Variants in AKAP9 observed in about 807,000 individuals in gnomAD.
The protein encoded by AKAP9 is A-kinase anchoring protein 9.
In AKAP9, 311 loss-of-function variants were observed where a neutral mutation model predicts 488.5. The observed-to-expected ratio is 0.64, with a 90% CI of 0.58 to 0.70. The LOEUF (loss-of-function observed/expected upper bound fraction) is 0.70. Ranked by LOEUF, AKAP9 falls within the 30% of genes least tolerant of loss-of-function variation. AKAP9 has a pLI of 0.00. For synonymous variants in AKAP9, 1,462 were observed against 1,483.5 expected, an observed-to-expected ratio of 0.99 and a Z score of 0.33; for missense variants, 4,215 against 4,374.5, an observed-to-expected ratio of 0.96 and a Z score of 1.03.
At chr7:92,083,816 G>A (rs968085926) in intron 33 of AKAP9, 161 bp downstream of exon 33, 1 of 674,610 alleles carries the variant, frequency 1.5e-6, no homozygotes, top group South Asian at 1.9e-5. Flanking sequence ...TAAACTCCTA[G>A]TACAATATTC....
chr7:92,050,541 T>A (rs1584323772), intron 21 of AKAP9, among the ~76,000 whole-genome samples: 1 of 152,326 alleles, frequency 6.6e-6, no homozygotes, highest in Non-Finnish European at 1.5e-5. Context: ...ATAACATTAC[T>A]AAAGTGTCTT....
Position 91,973,914 on chromosome 7 carries a change from G to A in AKAP9, c.252G>A (p.Met84Ile), listed in dbSNP as rs1284734608. ...CTGTGATTCCTGAATCTACAATAAT[G>A]AGAACTCTACATAGTGGAGAAATAA... ...ESTVIPESTI[M>I]RTLHSGEITS... is the part of the protein sequence containing the mutation. Residue 84 changes from methionine (M) to isoleucine (I), a missense_variant, in exon 2 of 50, where the codon ATG (methionine) becomes ATA (isoleucine). Transcript: ENST00000356239. 1 of 1,613,842 alleles carries A rather than the reference G, an allele frequency of 6.2e-7. No homozygotes were observed. The highest frequency in any genetic ancestry group is 8.5e-7 in the Non-Finnish European group (1 of 1,179,972).
At chr7:92,101,694 A>G (rs1452213686) in intron 45 of AKAP9, among the ~76,000 whole-genome samples, 1 of 152,212 alleles carries the variant, frequency 6.6e-6, no homozygotes, top group Non-Finnish European at 1.5e-5. Flanking sequence ...TAAGAACATC[A>G]TACTCTGTAA....
At chr7:92,005,307 C>T (rs967254778) in intron 8 of AKAP9, among the ~76,000 whole-genome samples, 13 of 152,204 alleles carry the variant, frequency 8.5e-5, no homozygotes, top group Admixed American at 8.5e-4. Context: ...ATATGGTGGT[C>T]AGGAAACATC....
In AKAP9 at chr7:92,097,903, T is replaced by C. The variant is rs114708485; in HGVS notation, c.10607+109T>C. ...TGGGGAATTGAAATTTTAAAGGTAA[T>C]GCGTGTTTACATTAGGAGGTGATAT... On this transcript the variant is annotated intron_variant, in intron 42 of 49. Coordinates refer to ENST00000356239, the MANE Select transcript of AKAP9 (RefSeq NM_005751.5). 2.3e-3 allele frequency: 2,592 copies of C among 1,120,732 alleles called. 42 individuals carry two copies. In the African/African-American group the frequency reaches 0.036, roughly 15 times the overall value. 69.4% of individuals were successfully genotyped at this position (1,120,732 alleles called of 1,614,324 possible).
intron 7 of AKAP9, among the ~76,000 whole-genome samples, chr7:92,000,242 G>T (rs1391783631): frequency 6.6e-6 from 1 of 152,168 alleles, no homozygotes; most frequent in Non-Finnish European, 1.5e-5. Flanking sequence ...TGCCATAAAT[G>T]GTATAGTTGT....
intron 26 of AKAP9, among the ~76,000 whole-genome samples, chr7:92,068,428 T>G (rs2130837695): frequency 6.6e-6 from 1 of 151,870 alleles, no homozygotes; most frequent in African/African-American, 2.4e-5. Context: ...GCCCCATTTC[T>G]GACAAACATA....
intron 22 of AKAP9, chr7:92,057,486 C>T (rs117209182): frequency 7.2e-4 from 128 of 176,752 alleles, no homozygotes; most frequent in Non-Finnish European, 1.3e-3. Flanking sequence ...TATTAATTCA[C>T]ATTCCACCTG....
chr7:92,056,599 A>G (rs1167115381), intron 22 of AKAP9, among the ~76,000 whole-genome samples: 1 of 151,536 alleles, frequency 6.6e-6, no homozygotes, highest in Non-Finnish European at 1.5e-5. Flanking sequence ...AACCCTAATA[A>G]ACAAAAAATT....
In AKAP9 at chr7:91,947,175, C is replaced by CGTGT. The variant is rs10575647; in HGVS notation, c.48+6046_48+6049dup. Among the ~76,000 whole-genome samples, 152 of 147,748 alleles carry CGTGT rather than the reference C, an allele frequency of 1.0e-3. 1 individual carries two copies. The highest frequency in any genetic ancestry group is 3.4e-3 in the African/African-American group (135 of 39,922). ...TGTCTGGGGTGTGTGTGTGTGTGTG[C>CGTGT]GTGTGTGTGTGTGTGTGTGTGCTGG... On this transcript the variant is annotated intron_variant, in intron 1 of 49. Transcript: ENST00000356239.
At chr7:92,074,571 A>G (rs912538122) in intron 28 of AKAP9, among the ~76,000 whole-genome samples, 2 of 152,228 alleles carry the variant, frequency 1.3e-5, no homozygotes, top group Non-Finnish European at 2.9e-5. Flanking sequence ...ACATAGGTTT[A>G]TTGCAGCACT....
intron 1 of AKAP9, among the ~76,000 whole-genome samples, chr7:91,953,911 A>T (rs1259447182): frequency 6.7e-6 from 1 of 149,828 alleles, no homozygotes; most frequent in Non-Finnish European, 1.5e-5. Context: ...AAAAACCATT[A>T]TGTGTTTCTT....
intron 38 of AKAP9, among the ~76,000 whole-genome samples, chr7:92,091,175 A>G (rs1292029991): frequency 6.6e-6 from 1 of 152,230 alleles, no homozygotes; most frequent in African/African-American, 2.4e-5. Flanking sequence ...TCTAATTTTC[A>G]TCATGTCCAC....
At chr7:92,066,891 T>C (rs182665139) in intron 26 of AKAP9, among the ~76,000 whole-genome samples, 3 of 152,332 alleles carry the variant, frequency 2.0e-5, no homozygotes, top group Middle Eastern at 3.4e-3. Flanking sequence ...TCCAGTGAAG[T>C]ATCCAGCCCT....
At chr7:92,026,099 G>GA (rs1043989297) in intron 14 of AKAP9, among the ~76,000 whole-genome samples, 2 of 152,058 alleles carry the variant, frequency 1.3e-5, no homozygotes, top group African/African-American at 4.8e-5. Context: ...AAGCAGAGGG[G>GA]AAAAAACAAA....
intron 24 of AKAP9, among the ~76,000 whole-genome samples, chr7:92,063,264 A>G (rs771565067): frequency 1.2e-4 from 18 of 152,260 alleles, no homozygotes; most frequent in Non-Finnish European, 2.2e-4. Flanking sequence ...GATTTTTAAT[A>G]TGGAAAGTAT....
chr7:91,955,652 T>A (rs1165816445), intron 1 of AKAP9, among the ~76,000 whole-genome samples: 1 of 152,212 alleles, frequency 6.6e-6, no homozygotes, highest in Non-Finnish European at 1.5e-5. Flanking sequence ...AGTATTTGGG[T>A]TGTTTCCAGT....
intron 29 of AKAP9, 87 bp from the exon 30 acceptor site, chr7:92,077,609 G>T (rs987544523): frequency 8.7e-7 from 1 of 1,144,000 alleles, no homozygotes; most frequent in Non-Finnish European, 1.3e-6. Context: ...TCATTTGTAC[G>T]TTATAGGCTC....
intron 3 of AKAP9, among the ~76,000 whole-genome samples, chr7:91,984,835 G>T (rs1456266335): frequency 1.3e-5 from 2 of 152,262 alleles, no homozygotes; most frequent in Non-Finnish European, 2.9e-5. Context: ...TCTCCTTGAA[G>T]AGGTCCTTCA....
Sources: gnomAD v4.1 joint callset for allele counts (sites outside exome capture counted in the v4.1 genomes callset) on GRCh38, gnomAD v4.1.1 for gene constraint, MANE v1.5 for transcripts, NCBI Gene and HGNC (gene_info 2026-07-23, HGNC 2026-07-21) for gene names.